The following ADARB1 variants were observed in gnomAD, a reference collection of about 807,000 sequenced individuals.
The protein encoded by ADARB1 is double-stranded RNA-specific editase 1.
ADARB1 carries 10 observed loss-of-function variants against 52.4 expected under a neutral mutation model. That is an observed-to-expected ratio of 0.19 (90% CI 0.12 to 0.32). ADARB1 has a LOEUF of 0.32. Among genes scored for constraint, ADARB1 ranks in the 10% least tolerant of loss-of-function variants. ADARB1 has a pLI of 1.00. For missense variants in ADARB1, 643 were observed against 922.3 expected (o/e 0.70, Z 3.92); for synonymous variants, 349 against 371.1 (o/e 0.94, Z 0.68).
chr21:45,190,595 G>A lies in ADARB1; in HGVS notation c.1565+5504G>A, dbSNP rs139929817. On this transcript the variant is annotated intron_variant, in intron 8 of 10. Coordinates refer to ENST00000348831, the MANE Select transcript of ADARB1 (RefSeq NM_001112.4). ...CTCCCAGTCTTTGTGTACTGGCTGT[G>A]TACAGAGAAAGTTCTTCACTAACAA... Among the ~76,000 whole-genome samples the A allele has an allele frequency of 3.3e-5, 5 of 151,944 alleles. No homozygotes were observed. The East Asian group carries it at 9.7e-4, about 29-fold the overall frequency.
At chr21:45,155,010 C>T (rs1377173935) in intron 2 of ADARB1, among the ~76,000 whole-genome samples, 2 of 152,236 alleles carry the variant, frequency 1.3e-5, no homozygotes, top group African/African-American at 4.8e-5. Context: ...GTCCTTCAGT[C>T]CCCACCCTCC....
chr21:45,078,965 A>G (rs1601226284), intron 1 of ADARB1, among the ~76,000 whole-genome samples: 1 of 152,194 alleles, frequency 6.6e-6, no homozygotes, highest in Non-Finnish European at 1.5e-5. Flanking sequence ...GATTTACCCA[A>G]GGTCACACAG....
chr21:45,206,195 C>T (rs1218388803), intron 9 of ADARB1, among the ~76,000 whole-genome samples: 2 of 152,184 alleles, frequency 1.3e-5, no homozygotes, highest in Admixed American at 6.5e-5. Flanking sequence ...GCAAAGAGTG[C>T]TTTAATTTTA....
chr21:45,189,998 G>T (rs1436742450), intron 8 of ADARB1, among the ~76,000 whole-genome samples: 1 of 152,014 alleles, frequency 6.6e-6, no homozygotes, highest in Non-Finnish European at 1.5e-5. Context: ...ACAGATTTGG[G>T]AAACTGTTAG....
In ADARB1 at chr21:45,223,405, A is replaced by G. The variant is rs915010617; in HGVS notation, c.*1208A>G. On this transcript the variant is annotated 3_prime_UTR_variant, in exon 11 of 11. Coordinates refer to ENST00000348831, the MANE Select transcript of ADARB1 (RefSeq NM_001112.4). The stretch of plus-strand genomic sequence containing the variant: ...GGACGGCCCCACGACAGAGGGAGTC[A>G]GCCCGGGAGGTCAGGAGCGCGGCGG... 2.4e-5 allele frequency: 24 copies of G among 985,694 alleles called. No homozygotes were observed. The highest frequency in any genetic ancestry group is 1.0e-3 in the Middle Eastern group (2 of 1,938). 61.1% of individuals were successfully genotyped at this position (985,694 alleles called of 1,614,324 possible).
chr21:45,223,342 G>A lies in ADARB1; in HGVS notation c.*1145G>A. 1 of 985,536 alleles carries A rather than the reference G, an allele frequency of 1.0e-6. No homozygotes were observed. Among genetic ancestry groups the A allele is most frequent in the Non-Finnish European group, 1.2e-6 (1 of 829,972 alleles). The allele number at this position is 985,536 out of a possible 1,614,324, so 61.0% of individuals were successfully genotyped here. A position where few individuals can be genotyped will look rare whatever the true frequency, so the allele number is the denominator to read the frequency against. On this transcript the variant is annotated 3_prime_UTR_variant, in exon 11 of 11. Coordinates refer to ENST00000348831, the MANE Select transcript of ADARB1 (RefSeq NM_001112.4). ...GTGTAGGCCAGACATTGACAGTCCT[G>A]ACGGGAGCTCAGGGCTGCCCAGCGC...
chr21:45,185,223 T>C, intron 8 of ADARB1, 132 bp downstream of exon 8: 1 of 1,226,772 alleles, frequency 8.2e-7, no homozygotes, highest in Non-Finnish European at 1.1e-6. Context: ...CAGTATTCTT[T>C]GAAGGACTGA....
intron 2 of ADARB1, among the ~76,000 whole-genome samples, chr21:45,149,030 A>G (rs747730817): frequency 6.6e-5 from 10 of 152,188 alleles, no homozygotes; most frequent in Non-Finnish European, 1.3e-4. Flanking sequence ...ATGGAGTTCA[A>G]AGACATCACC....
Position 45,222,820 on chromosome 21 carries a change from TC to T in ADARB1, c.*626del. On this transcript the variant is annotated 3_prime_UTR_variant, in exon 11 of 11. Coordinates refer to ENST00000348831, the MANE Select transcript of ADARB1 (RefSeq NM_001112.4). The stretch of plus-strand genomic sequence containing the variant: ...AACAGTCTCTCCCTGAGGAGCAGAC[TC>T]CCAGCATGGTGTAGCGTGGCCCTGT... 1 of 985,508 alleles carries T rather than the reference TC, an allele frequency of 1.0e-6. No individual in the cohort carries two copies. Among genetic ancestry groups the T allele is most frequent in the Non-Finnish European group, 1.2e-6 (1 of 830,020 alleles). The allele number at this position is 985,508 out of a possible 1,614,324, so 61.0% of individuals were successfully genotyped here. A position where few individuals can be genotyped will look rare whatever the true frequency, so the allele number is the denominator to read the frequency against.
At chr21:45,198,604 C>T (rs1365813655) in intron 8 of ADARB1, among the ~76,000 whole-genome samples, 1 of 152,034 alleles carries the variant, frequency 6.6e-6, no homozygotes, top group Non-Finnish European at 1.5e-5. Context: ...GCCCAGACAA[C>T]ATTGAGTGAG....
chr21:45,176,250 T>A lies in ADARB1; in HGVS notation c.549T>A (p.Pro183=), dbSNP rs756261162. The change falls in exon 4 of 11, where the codon CCT becomes CCA. Residue 183 remains proline (P), a synonymous_variant. Transcript: ENST00000348831. The surrounding 1 kb of genome is among the most constrained non-coding windows in gnomAD (Gnocchi z 5.8). ...PDTLFNGFET[P]DKAEPPFYVG... ...CGCTCTTCAATGGTTTTGAAACTCC[T>A]GACAAGGCGGAGCCTCCCTTTTACG... 1 of 1,614,238 alleles carries A rather than the reference T, an allele frequency of 6.2e-7. No homozygotes were observed. Among genetic ancestry groups the A allele is most frequent in the Non-Finnish European group, 8.5e-7 (1 of 1,180,034 alleles).
At chr21:45,194,975 GT>G (rs1305590014) in intron 8 of ADARB1, among the ~76,000 whole-genome samples, 3 of 152,322 alleles carry the variant, frequency 2.0e-5, no homozygotes, top group Admixed American at 1.3e-4. Context: ...GATATGTTGA[GT>G]TTTGTCAGAA....
intron 2 of ADARB1, among the ~76,000 whole-genome samples, chr21:45,162,238 C>G (rs763002477): frequency 6.6e-6 from 1 of 152,300 alleles, no homozygotes; most frequent in Middle Eastern, 3.4e-3. Flanking sequence ...TGGGCACTAC[C>G]GTATTCCCTG....
intron 8 of ADARB1, among the ~76,000 whole-genome samples, chr21:45,192,386 G>GC (rs1240152504): frequency 6.6e-6 from 1 of 152,154 alleles, no homozygotes; most frequent in Non-Finnish European, 1.5e-5. Context: ...ATGTGACCTT[G>GC]CCACTGTACC....
intron 2 of ADARB1, chr21:45,144,781 T>C (rs897436901): frequency 7.9e-5 from 28 of 356,582 alleles, no homozygotes; most frequent in Non-Finnish European, 1.4e-4. Flanking sequence ...CCTTTCCACT[T>C]GCTGGCACAC....
intron 2 of ADARB1, chr21:45,132,243 T>C (rs779782959): frequency 6.6e-6 from 1 of 152,360 alleles, no homozygotes; most frequent in Non-Finnish European, 1.5e-5. Context: ...TTGGGCCTGA[T>C]TGATTCGCAT....
chr21:45,190,471 C>T (rs555753655), intron 8 of ADARB1, among the ~76,000 whole-genome samples: 1 of 152,188 alleles, frequency 6.6e-6, no homozygotes, highest in East Asian at 1.9e-4. Flanking sequence ...TGGAAATTTA[C>T]TTTTGGTCCT....
chr21:45,218,159 T>C (rs1329600180), intron 9 of ADARB1, among the ~76,000 whole-genome samples: 1 of 152,180 alleles, frequency 6.6e-6, no homozygotes, highest in Non-Finnish European at 1.5e-5. Flanking sequence ...CCCTTCTCTC[T>C]CCTCACCGTC....
At chr21:45,216,749 T>C (rs188338762) in intron 9 of ADARB1, among the ~76,000 whole-genome samples, 2 of 152,186 alleles carry the variant, frequency 1.3e-5, no homozygotes, top group East Asian at 3.9e-4. Flanking sequence ...TATTTTCTTT[T>C]ATATTCTTAC....
Sources: allele counts gnomAD v4.1 joint callset (sites outside exome capture counted in the v4.1 genomes callset), GRCh38; gene constraint gnomAD v4.1.1; non-coding constraint Gnocchi (gnomAD v3.1); transcripts MANE v1.5; gene names NCBI Gene and HGNC (gene_info 2026-07-23, HGNC 2026-07-21).